Variants in GMDS observed in about 807,000 individuals in gnomAD.
The protein encoded by GMDS is GDP-mannose 4,6-dehydratase, also known as GDP-mannose 4,6 dehydratase.
Under a neutral mutation model 49.9 loss-of-function variants are expected in GMDS, and 20 were observed. The ratio of observed to expected loss-of-function variants is 0.40; its 90% CI spans 0.28 to 0.58. GMDS has a LOEUF of 0.58. Among genes scored for constraint, GMDS ranks in the 20% least tolerant of loss-of-function variants. The probability of loss-of-function intolerance (pLI) is 0.42; values close to 1 mark genes in which losing one functional copy is unlikely to be tolerated. For synonymous variants in GMDS, 177 were observed against 178.6 expected (o/e 0.99, Z 0.07); for missense variants, 362 against 481.4 (o/e 0.75, Z 2.32).
rs144147202 is a variant in GMDS, at chr6:2,029,036, T to C, written c.346-68070A>G. ...ACCAGAGGGAATGAGATGGCAGAAA[T>C]TAAGACCTTTACCATACCTTTTTTA... On this transcript the variant is annotated intron_variant, in intron 4 of 10. Coordinates refer to ENST00000380815, the MANE Select transcript of GMDS (RefSeq NM_001500.4). Among the ~76,000 whole-genome samples, 733 of 151,754 alleles carry C rather than the reference T, an allele frequency of 4.8e-3. 9 individuals are homozygous for C. Among genetic ancestry groups the C allele is most frequent in the Middle Eastern group, 0.034 (10 of 290 alleles).
At chr6:2,112,602 C>T (rs1774611391) in intron 4 of GMDS, among the ~76,000 whole-genome samples, 1 of 152,168 alleles carries the variant, frequency 6.6e-6, no homozygotes, top group Non-Finnish European at 1.5e-5. Context: ...TCTCTCTTGT[C>T]CCTCTACATA....
intron 1 of GMDS, among the ~76,000 whole-genome samples, chr6:2,161,081 G>A (rs1014455177): frequency 2.0e-5 from 3 of 150,826 alleles, no homozygotes; most frequent in Non-Finnish European, 3.0e-5. Context: ...GTGTGATCTC[G>A]GCTCACTGCA....
chr6:1,682,339 C>T (rs1283011524), intron 9 of GMDS, among the ~76,000 whole-genome samples: 1 of 152,240 alleles, frequency 6.6e-6, no homozygotes, highest in East Asian at 1.9e-4. Context: ...CCCAAACGAG[C>T]TCCTCTGCCA....
At chr6:1,821,762 GA>G (rs1440528330) in intron 7 of GMDS, among the ~76,000 whole-genome samples, 1 of 151,802 alleles carries the variant, frequency 6.6e-6, no homozygotes, top group Non-Finnish European at 1.5e-5. Flanking sequence ...CTTGTAGTTT[GA>G]AATTTGAAAG....
chr6:2,045,189 A>G (rs924254503), intron 4 of GMDS, among the ~76,000 whole-genome samples: 1 of 152,048 alleles, frequency 6.6e-6, no homozygotes, highest in Non-Finnish European at 1.5e-5. Flanking sequence ...ATCATGTTAA[A>G]AAGTCTTAAA....
At chr6:1,673,827 G>T (rs185680145) in intron 9 of GMDS, among the ~76,000 whole-genome samples, 1 of 151,768 alleles carries the variant, frequency 6.6e-6, no homozygotes, top group South Asian at 2.1e-4. Context: ...TTCATTTAGC[G>T]ACATACATTT....
intron 9 of GMDS, chr6:1,626,049 T>C (rs1561683025): frequency 6.6e-6 from 1 of 152,222 alleles, no homozygotes; most frequent in African/African-American, 2.4e-5. Flanking sequence ...GGTGGGGAAT[T>C]TGTTCTAGAT....
intron 7 of GMDS, among the ~76,000 whole-genome samples, chr6:1,903,172 CT>C (rs1760586931): frequency 1.3e-5 from 2 of 152,170 alleles, no homozygotes; most frequent in Non-Finnish European, 2.9e-5. Flanking sequence ...ATTTATTAGT[CT>C]TTGATGATGT....
intron 1 of GMDS, among the ~76,000 whole-genome samples, chr6:2,189,871 C>G (rs1024151532): frequency 2.6e-5 from 4 of 152,148 alleles, no homozygotes; most frequent in Non-Finnish European, 5.9e-5. Flanking sequence ...TTAAAGTGAC[C>G]AAGATAACTC....
At chr6:2,021,875 C>A (rs1768295937) in intron 4 of GMDS, among the ~76,000 whole-genome samples, 1 of 152,172 alleles carries the variant, frequency 6.6e-6, no homozygotes, top group African/African-American at 2.4e-5. Flanking sequence ...GCTGGATAGT[C>A]TTGATTTAGA....
intron 7 of GMDS, among the ~76,000 whole-genome samples, chr6:1,895,821 A>G (rs1760145494): frequency 6.6e-6 from 1 of 152,184 alleles, no homozygotes; most frequent in African/African-American, 2.4e-5. Flanking sequence ...GAACCACCAG[A>G]TACAGAGACA....
rs146653175 is a variant in GMDS, at chr6:1,795,331, C to A, written c.772-52745G>T. On this transcript the variant is annotated intron_variant, in intron 7 of 10. Coordinates refer to ENST00000380815, the MANE Select transcript of GMDS (RefSeq NM_001500.4). ...AATTCCCAGTTATATCTAAAACCCA[C>A]AAGGCATCAAAATTACACTAATGCA... 6.7e-3 allele frequency among the ~76,000 whole-genome samples: 1,022 copies of A among 152,278 alleles called. 9 individuals carry two copies. Among genetic ancestry groups the A allele is most frequent in the African/African-American group, 0.024 (978 of 41,536 alleles).
intron 1 of GMDS, among the ~76,000 whole-genome samples, chr6:2,195,947 AAAAT>A (rs1339476310): frequency 1.3e-5 from 2 of 152,092 alleles, no homozygotes; most frequent in African/African-American, 2.4e-5. Context: ...AGTATATGCC[AAAAT>A]AAATATATAC....
chr6:2,058,554 A>T (rs1405289410), intron 4 of GMDS, among the ~76,000 whole-genome samples: 2 of 152,180 alleles, frequency 1.3e-5, no homozygotes, highest in Non-Finnish European at 2.9e-5. Flanking sequence ...ATATCTTGAG[A>T]GGTAGAGAGT....
intron 9 of GMDS, among the ~76,000 whole-genome samples, chr6:1,685,870 A>G (rs1764958777): frequency 6.6e-6 from 1 of 152,204 alleles, no homozygotes; most frequent in Non-Finnish European, 1.5e-5. Context: ...AGAGCTAACA[A>G]TTGCAAAAAT....
At chr6:1,891,580 C>A (rs1759870683) in intron 7 of GMDS, among the ~76,000 whole-genome samples, 1 of 152,174 alleles carries the variant, frequency 6.6e-6, no homozygotes, top group Non-Finnish European at 1.5e-5. Flanking sequence ...ACAAGAGAGG[C>A]TAATTTTTAA....
chr6:2,059,663 G>A (rs1380741393), intron 4 of GMDS, among the ~76,000 whole-genome samples: 1 of 110,240 alleles, frequency 9.1e-6, no homozygotes, highest in Non-Finnish European at 1.7e-5. Flanking sequence ...AGCCGAGATC[G>A]CACCACTGCA....
intron 8 of GMDS, among the ~76,000 whole-genome samples, chr6:1,741,033 A>G (rs749901945): frequency 1.3e-5 from 2 of 152,116 alleles, no homozygotes; most frequent in Non-Finnish European, 2.9e-5. Flanking sequence ...GAGTGTTCTT[A>G]TTTTTGTTTT....
intron 7 of GMDS, among the ~76,000 whole-genome samples, chr6:1,764,814 C>T (rs1457589064): frequency 6.6e-6 from 1 of 152,116 alleles, no homozygotes; most frequent in African/African-American, 2.4e-5. Context: ...TGCCCAAAAT[C>T]GTTTGGTTAT....
Sources: gnomAD v4.1 joint callset for allele counts (sites outside exome capture counted in the v4.1 genomes callset) on GRCh38, gnomAD v4.1.1 for gene constraint, MANE v1.5 for transcripts, NCBI Gene and HGNC (gene_info 2026-07-23, HGNC 2026-07-21) for gene names.